GAB2: variants seen among roughly 807,000 people sequenced by gnomAD.
GAB2 encodes the protein GRB2-associated-binding protein 2.
GAB2 carries 26 observed loss-of-function variants against 65.5 expected under a neutral mutation model. That is an observed-to-expected ratio of 0.40 (90% CI 0.29 to 0.55). The LOEUF (loss-of-function observed/expected upper bound fraction) is 0.55. Among genes scored for constraint, GAB2 ranks in the 20% least tolerant of loss-of-function variants. The probability of loss-of-function intolerance (pLI) is 0.53; values close to 1 mark genes in which losing one functional copy is unlikely to be tolerated. For missense variants in GAB2, 884 were observed against 875.8 expected, an observed-to-expected ratio of 1.01 and a Z score of -0.12; for synonymous variants, 321 against 329.6, an observed-to-expected ratio of 0.97 and a Z score of 0.28.
At position 78,226,887 on chromosome 11, in the gene GAB2, C is replaced by T. The variant is rs1864680514; in HGVS notation, c.785G>A (p.Arg262Lys). The change falls in exon 4 of 10, where the codon AGA becomes AAA. Residue 262 changes from arginine (R) to lysine (K), a missense_variant. Physicochemically the swap from Arg to Lys is conservative, Grantham distance 26. Transcript: ENST00000361507. The stretch of plus-strand genomic sequence containing the variant: ...GCGGGGGAGGTCGTAGGTACTGTCT[C>T]TGAATTCTGTATTGTGCCGGCTCGG... ...PKPSRHNTEF[R>K]DSTYDLPRSL... 2 of 1,614,104 alleles carry T rather than the reference C, an allele frequency of 1.2e-6. No homozygotes were observed. The highest frequency in any genetic ancestry group is 4.5e-5 in the East Asian group (2 of 44,860).
intron 1 of GAB2, among the ~76,000 whole-genome samples, chr11:78,312,708 C>T (rs763319322): frequency 6.2e-4 from 95 of 152,248 alleles, no homozygotes; most frequent in African/African-American, 1.8e-3. Context: ...GAATTACAGG[C>T]GTGAGCCACT....
chr11:78,360,865 AAAC>A (rs572520217), intron 1 of GAB2, among the ~76,000 whole-genome samples: 29 of 152,112 alleles, frequency 1.9e-4, no homozygotes, highest in Admixed American at 1.0e-3. Context: ...TCTCAAAGAA[AAAC>A]AACAACAACA....
At chr11:78,398,128 C>T (rs145472892) in intron 1 of GAB2, among the ~76,000 whole-genome samples, 15 of 152,200 alleles carry the variant, frequency 9.9e-5, no homozygotes, top group Non-Finnish European at 1.9e-4. Context: ...TGATACTATA[C>T]GTAAAACTTA....
At chr11:78,223,997 G>A (rs1208703013) in intron 5 of GAB2, among the ~76,000 whole-genome samples, 8 of 152,120 alleles carry the variant, frequency 5.3e-5, no homozygotes, top group Admixed American at 1.3e-4. Context: ...CACGAGAATC[G>A]CTTGAAGCTG....
intron 1 of GAB2, among the ~76,000 whole-genome samples, chr11:78,309,335 C>G (rs1855438498): frequency 6.6e-6 from 1 of 152,072 alleles, no homozygotes. Flanking sequence ...TATTTAATTC[C>G]AGAATATTTT....
At chr11:78,393,478 T>C (rs868863190) in intron 1 of GAB2, among the ~76,000 whole-genome samples, 1 of 152,148 alleles carries the variant, frequency 6.6e-6, no homozygotes, top group Non-Finnish European at 1.5e-5. Flanking sequence ...TTTTCACCTA[T>C]CAAATTATCA....
At chr11:78,362,445 G>A (rs11603112) in intron 1 of GAB2, among the ~76,000 whole-genome samples, 38,881 of 151,546 alleles carry the variant, frequency 0.26, 5,659 homozygotes, top group East Asian at 0.41. Flanking sequence ...GGATAAAAAG[G>A]AAATTAGAAA....
intron 1 of GAB2, among the ~76,000 whole-genome samples, chr11:78,288,277 G>A (rs2134599661): frequency 6.6e-6 from 1 of 151,288 alleles, no homozygotes; most frequent in South Asian, 2.1e-4. Context: ...TACTAGGGAG[G>A]GTGAGGCAGG....
chr11:78,380,873 T>C (rs1353084328), intron 1 of GAB2, among the ~76,000 whole-genome samples: 1 of 148,378 alleles, frequency 6.7e-6, no homozygotes, highest in Non-Finnish European at 1.5e-5. Context: ...TTCCTTGGAA[T>C]GTAGGAATCT....
At chr11:78,324,624 T>C (rs1855790175) in intron 1 of GAB2, 1 of 152,198 alleles carries the variant, frequency 6.6e-6, no homozygotes, top group African/African-American at 2.4e-5. Context: ...ATCCATATGC[T>C]AGATGCCATG....
At chr11:78,245,694 A>C (rs186160111) in intron 3 of GAB2, among the ~76,000 whole-genome samples, 1 of 152,226 alleles carries the variant, frequency 6.6e-6, no homozygotes, top group Non-Finnish European at 1.5e-5. Context: ...AAACGGAAAA[A>C]TAATCTTTCA....
chr11:78,220,182 G>T, intron 9 of GAB2, 137 bp downstream of exon 9: 1 of 814,902 alleles, frequency 1.2e-6, no homozygotes, highest in Non-Finnish European at 2.0e-6. Context: ...GACTAAAGAT[G>T]CATCATAAAA....
At chr11:78,276,513 C>T (rs758594939) in intron 2 of GAB2, among the ~76,000 whole-genome samples, 3 of 152,108 alleles carry the variant, frequency 2.0e-5, no homozygotes, top group Non-Finnish European at 2.9e-5. Flanking sequence ...TGGTGATTCC[C>T]GTTATAGCAT....
intron 1 of GAB2, among the ~76,000 whole-genome samples, chr11:78,301,390 C>T (rs754522689): frequency 2.1e-4 from 31 of 145,484 alleles, no homozygotes; most frequent in Admixed American, 7.6e-4. Flanking sequence ...AGTGCAATGG[C>T]GTGATCTGGG....
chr11:78,225,750 T>G (rs1864623427), intron 4 of GAB2, among the ~76,000 whole-genome samples: 1 of 152,170 alleles, frequency 6.6e-6, no homozygotes, highest in Non-Finnish European at 1.5e-5. Flanking sequence ...GCAACTCTAT[T>G]TAAGTCTCTT....
rs773504709 is a variant in GAB2 at position 78,225,086 on chromosome 11, C to A, written c.1302+22G>T. 6.5e-6 allele frequency: 10 copies of A among 1,540,154 alleles called. 1 individual carries two copies. The highest frequency in any genetic ancestry group is 1.7e-4 in the Middle Eastern group (1 of 5,962). On this transcript the variant is annotated intron_variant, in intron 5 of 9. Transcript: ENST00000361507. The stretch of plus-strand genomic sequence containing the variant: ...TACCTAACCAGGCCGGCCTGAGGAC[C>A]CTTGGGTTAACCCACACTCACCAGG...
chr11:78,262,922 C>T (rs1865772256), intron 2 of GAB2, among the ~76,000 whole-genome samples: 1 of 152,238 alleles, frequency 6.6e-6, no homozygotes, highest in Non-Finnish European at 1.5e-5. Flanking sequence ...CACTAGAACA[C>T]AGCTGTATCA....
intron 2 of GAB2, among the ~76,000 whole-genome samples, chr11:78,268,837 G>C (rs1865936441): frequency 6.6e-6 from 1 of 151,928 alleles, no homozygotes; most frequent in African/African-American, 2.4e-5. Context: ...AGAGGATTTG[G>C]AATTCCCTGA....
At position 78,221,798 on chromosome 11, in the gene GAB2, GT is replaced by G; in HGVS notation, c.1659-20del. On this transcript the variant is annotated intron_variant, in intron 7 of 9. Coordinates refer to ENST00000361507, the MANE Select transcript of GAB2 (RefSeq NM_080491.3). ...GGTGTGGCTGTTGTGGGAAGGAAGA[GT>G]TAACACTGGGGAAGCTGCATGGCTG... The G allele has an allele frequency of 6.4e-7, 1 of 1,553,268 alleles. No individual in the cohort carries two copies. The highest frequency in any genetic ancestry group is 8.9e-7 in the Non-Finnish European group (1 of 1,125,206).
Sources: gnomAD v4.1 joint callset for allele counts (sites outside exome capture counted in the v4.1 genomes callset) on GRCh38, gnomAD v4.1.1 for gene constraint, MANE v1.5 for transcripts, NCBI Gene and HGNC (gene_info 2026-07-23, HGNC 2026-07-21) for gene names.